Variants in MAGEF1 observed in about 807,000 individuals in gnomAD.
MAGEF1 encodes the protein MAGE family member F1.
For synonymous variants in MAGEF1, 150 were observed against 163.6 expected (o/e 0.92, Z 0.63); for missense variants, 418 against 399.5 (o/e 1.05, Z -0.39).
chr3:184,710,771 CA>C lies in MAGEF1; in HGVS notation c.*126del, dbSNP rs763373433. ...ATTAAATGTTACAAAACATAAGATA[CA>C]AAATCTAAATCCTTAAAGTCACACG... On this transcript the variant is annotated 3_prime_UTR_variant, in exon 1 of 1. Transcript: ENST00000317897. 132 of 1,333,696 alleles carry C rather than the reference CA, an allele frequency of 9.9e-5. No individual in the cohort carries two copies. The highest frequency in any genetic ancestry group is 1.3e-4 in the Non-Finnish European group (131 of 1,022,852). The allele number at this position is 1,333,696 out of a possible 1,614,324, so 82.6% of individuals were successfully genotyped here.
At position 184,711,239 on chromosome 3, in the gene MAGEF1, G is replaced by A. The variant is rs80099294; in HGVS notation, c.583C>T (p.Arg195Trp). ...REAQVWEMLR[R>W]LGVQPSKYHF... is the part of the protein sequence containing the mutation. ...TACTTTGAGGGTTGCACCCCCAACC[G>A]ACGCAGCATCTCCCAGACCTGGGCC... The change falls in exon 1 of 1, where the codon CGG becomes TGG. Residue 195 changes from arginine (R) to tryptophan (W), a missense_variant. Coordinates refer to ENST00000317897, the MANE Select transcript of MAGEF1 (RefSeq NM_022149.5). The A allele has an allele frequency of 2.5e-6, 4 of 1,614,122 alleles. No homozygotes were observed. Among genetic ancestry groups the A allele is most frequent in the Non-Finnish European group, 3.4e-6 (4 of 1,180,034 alleles).
At position 184,711,017 on chromosome 3, in the gene MAGEF1, A is replaced by G. The variant is rs1488155192; in HGVS notation, c.805T>C (p.Trp269Arg). ...AGGGCCTCACGGTACTGCACTGGCC[A>G]GTGCTGCGGTTCCTTCTTATGCAGT... ...AKLHKKEPQH[W>R]PVQYREALAD... is the part of the protein sequence containing the mutation. The change falls in exon 1 of 1, where the codon TGG becomes CGG. Residue 269 changes from tryptophan to arginine, a missense_variant. Physicochemically the swap from Trp to Arg is moderately radical, Grantham distance 101 (BLOSUM62 -3). Transcript: ENST00000317897. 6.2e-7 allele frequency: 1 copy of G among 1,614,210 alleles called. No homozygotes were observed. Among genetic ancestry groups the G allele is most frequent in the Non-Finnish European group, 8.5e-7 (1 of 1,180,044 alleles).
Position 184,711,974 on chromosome 3 carries a change from C to A in MAGEF1, c.-153G>T. 8.0e-7 allele frequency: 1 copy of A among 1,252,494 alleles called. No individual in the cohort carries two copies. The allele number at this position is 1,252,494 out of a possible 1,614,324, so 77.6% of individuals were successfully genotyped here. A position where few individuals can be genotyped will look rare whatever the true frequency, so the allele number is the denominator to read the frequency against. ...GCTTTGTGGCTGCTGGGCCGCACCGCACGGGAGTCAAACCTGCGGCCGCAA... is the reference window on the plus strand; with the variant it reads ...GCTTTGTGGCTGCTGGGCCGCACCGAACGGGAGTCAAACCTGCGGCCGCAA... On this transcript the variant is annotated 5_prime_UTR_variant, in exon 1 of 1. Coordinates refer to ENST00000317897, the MANE Select transcript of MAGEF1 (RefSeq NM_022149.5).
Position 184,711,918 on chromosome 3 carries a change from G to T in MAGEF1, c.-97C>A. On this transcript the variant is annotated 5_prime_UTR_variant, in exon 1 of 1. Coordinates refer to ENST00000317897, the MANE Select transcript of MAGEF1 (RefSeq NM_022149.5). ...GGAGGGGTTGGACAGCGGCAGTGAC[G>T]GCGGGAGTACAAGGAGCAATGGCAG... 4.2e-6 allele frequency: 6 copies of T among 1,412,742 alleles called. No homozygotes were observed. The highest frequency in any genetic ancestry group is 4.6e-6 in the Non-Finnish European group (5 of 1,083,388). 87.5% of individuals were successfully genotyped at this position (1,412,742 alleles called of 1,614,324 possible). A position where few individuals can be genotyped will look rare whatever the true frequency, so the allele number is the denominator to read the frequency against.
chr3:184,711,007 T>C lies in MAGEF1; in HGVS notation c.815A>G (p.Gln272Arg), dbSNP rs1228066335. ...CTCGTCTGCTAGGGCCTCACGGTACTGCACTGGCCAGTGCTGCGGTTCCTT... is the reference window on the plus strand; with the variant it reads ...CTCGTCTGCTAGGGCCTCACGGTACCGCACTGGCCAGTGCTGCGGTTCCTT... ...HKKEPQHWPV[Q>R]YREALADEAD... Residue 272 changes from glutamine (Q) to arginine (R), a missense_variant, in exon 1 of 1, where the codon CAG (glutamine) becomes CGG (arginine). Physicochemically the swap from Gln to Arg is conservative, Grantham distance 43. Transcript: ENST00000317897. 3.1e-6 allele frequency: 5 copies of C among 1,614,228 alleles called. No homozygotes were observed. Among genetic ancestry groups the C allele is most frequent in the East Asian group, 4.5e-5 (2 of 44,884 alleles).
At position 184,710,997 on chromosome 3, in the gene MAGEF1, C is replaced by T; in HGVS notation, c.825G>A (p.Glu275=). 1.2e-6 allele frequency: 2 copies of T among 1,614,218 alleles called. No individual in the cohort carries two copies. Among genetic ancestry groups the T allele is most frequent in the Non-Finnish European group, 1.7e-6 (2 of 1,180,018 alleles). The part of the protein sequence containing the change: ...EPQHWPVQYR[E]ALADEADRAR... Reference sequence around the variant, plus strand: ...CCCTGTCGGCCTCGTCTGCTAGGGCCTCACGGTACTGCACTGGCCAGTGCT... The same window carrying T: ...CCCTGTCGGCCTCGTCTGCTAGGGCTTCACGGTACTGCACTGGCCAGTGCT... The change falls in exon 1 of 1, where the codon GAG becomes GAA. Residue 275 remains glutamate (E), a synonymous_variant. Transcript: ENST00000317897.
Position 184,711,342 on chromosome 3 carries a change from C to T in MAGEF1, c.480G>A (p.Leu160=), listed in dbSNP as rs1250522537. 6.7e-7 allele frequency: 1 copy of T among 1,484,446 alleles called. No homozygotes were observed. 92.0% of individuals were successfully genotyped at this position (1,484,446 alleles called of 1,614,324 possible). A position where few individuals can be genotyped will look rare whatever the true frequency, so the allele number is the denominator to read the frequency against. ...GACCCAATCTGGGGCCATCTCCTCC[C>T]AGATCCTCCTCCTCCTCCTCCTCCA... ...KPLEEEEEED[L]GGDGPRLGLL... Residue 160 remains leucine, a synonymous_variant, in exon 1 of 1, where the codon CTG becomes CTA. Transcript: ENST00000317897.
chr3:184,711,862 G>C lies in MAGEF1; in HGVS notation c.-41C>G. The C allele has an allele frequency of 1.4e-6, 2 of 1,451,508 alleles. No individual in the cohort carries two copies. Among genetic ancestry groups the C allele is most frequent in the Non-Finnish European group, 1.8e-6 (2 of 1,101,638 alleles). 89.9% of individuals were successfully genotyped at this position (1,451,508 alleles called of 1,614,324 possible). ...GGTGCAGAGCGCGTACACGGGCCGA[G>C]GGGTGTGGGAGCCGCCGCGCAAGCC... On this transcript the variant is annotated 5_prime_UTR_variant, in exon 1 of 1. Transcript: ENST00000317897.
chr3:184,711,758 C>G lies in MAGEF1; in HGVS notation c.64G>C (p.Gly22Arg). The G allele has an allele frequency of 6.6e-7, 1 of 1,522,788 alleles. No homozygotes were observed. 94.3% of individuals were successfully genotyped at this position (1,522,788 alleles called of 1,614,324 possible). ...VPQAEGEKDG[G>R]HDGETRAPTA... ...GGGGCCCGGGTCTCACCATCATGGC[C>G]GCCATCCTTCTCCCCCTCGGCCTGC... Residue 22 changes from glycine to arginine, a missense_variant, in exon 1 of 1, where the codon GGC becomes CGC. Transcript: ENST00000317897.
rs1381536639 is a variant in MAGEF1, at chr3:184,711,281, C to T, written c.541G>A (p.Gly181Ser). 16 of 1,613,940 alleles carry T rather than the reference C, an allele frequency of 9.9e-6. No homozygotes were observed. Among genetic ancestry groups the T allele is most frequent in the Non-Finnish European group, 1.3e-5 (15 of 1,180,032 alleles). ...MMILGLIYMR[G>S]NSAREAQVWE... ...ACCTGGGCCTCCCTGGCGCTATTACCTCTCATATAGATAAGGCCCAGGATC... is the reference window on the plus strand; with the variant it reads ...ACCTGGGCCTCCCTGGCGCTATTACTTCTCATATAGATAAGGCCCAGGATC... Residue 181 changes from glycine (G) to serine (S), a missense_variant, in exon 1 of 1, where the codon GGT (glycine) becomes AGT (serine). Physicochemically the swap from Gly to Ser is moderately conservative, Grantham distance 56 (BLOSUM62 0). Transcript: ENST00000317897.
Position 184,711,624 on chromosome 3 carries a change from G to A in MAGEF1, c.198C>T (p.Ala66=), listed in dbSNP as rs561157342. 3 of 1,611,122 alleles carry A rather than the reference G, an allele frequency of 1.9e-6. No homozygotes were observed. The Admixed American group carries it at 5.0e-5, about 27-fold the overall frequency. The part of the protein sequence containing the change: ...RKGARALAAK[A]LARRRAYRRL... ...GGCGGTAGGCCCTGCGCCTTGCCAA[G>A]GCTTTGGCCGCCAAGGCCCTCGCGC... The change falls in exon 1 of 1, where the codon GCC becomes GCT. Residue 66 remains alanine (A), a synonymous_variant. Transcript: ENST00000317897.
In MAGEF1 at chr3:184,710,748, T is replaced by A; in HGVS notation, c.*150A>T. 8.1e-7 allele frequency: 1 copy of A among 1,231,914 alleles called. No homozygotes were observed. The highest frequency in any genetic ancestry group is 1.1e-6 in the Non-Finnish European group (1 of 933,436). 76.3% of individuals were successfully genotyped at this position (1,231,914 alleles called of 1,614,324 possible). ...CAAACAGCATTTTAACAGTAATTATTAAATGTTACAAAACATAAGATACAA... is the reference window on the plus strand; with the variant it reads ...CAAACAGCATTTTAACAGTAATTATAAAATGTTACAAAACATAAGATACAA... On this transcript the variant is annotated 3_prime_UTR_variant, in exon 1 of 1. Coordinates refer to ENST00000317897, the MANE Select transcript of MAGEF1 (RefSeq NM_022149.5).
rs1712219277 is a variant in MAGEF1 at position 184,711,366 on chromosome 3, C to CTCT, written c.455_456insAGA (p.Glu158dup). The CTCT allele has an allele frequency of 6.2e-7, 1 of 1,614,070 alleles. No individual in the cohort carries two copies. The highest frequency in any genetic ancestry group is 8.5e-7 in the Non-Finnish European group (1 of 1,180,008). ...CCAGATCCTCCTCCTCCTCCTCCTC[C>CTCT]AGAGGTTTTAGTTTGTTGATCAGGA... On this transcript the variant is annotated inframe_insertion, in exon 1 of 1. Coordinates refer to ENST00000317897, the MANE Select transcript of MAGEF1 (RefSeq NM_022149.5).
Position 184,710,924 on chromosome 3 carries a change from C to T in MAGEF1, c.898G>A (p.Ala300Thr), listed in dbSNP as rs768945794. ...CACCAGAGGTGGATGCCGGCCCTAG[C>T]ACTGGCCCTGGCCCTCATACTGGCT... The part of the protein sequence containing the change: ...AEASMRARAS[A>T]RAGIHLW Residue 300 changes from alanine to threonine, a missense_variant, in exon 1 of 1, where the codon GCT (alanine) becomes ACT (threonine). Coordinates refer to ENST00000317897, the MANE Select transcript of MAGEF1 (RefSeq NM_022149.5). 3.1e-6 allele frequency: 5 copies of T among 1,598,306 alleles called. No individual in the cohort carries two copies. Among genetic ancestry groups the T allele is most frequent in the African/African-American group, 1.3e-5 (1 of 74,370 alleles).
At position 184,711,543 on chromosome 3, in the gene MAGEF1, C is replaced by T; in HGVS notation, c.279G>A (p.Lys93=). The change falls in exon 1 of 1, where the codon AAG becomes AAA. Residue 93 remains lysine, a synonymous_variant. Coordinates refer to ENST00000317897, the MANE Select transcript of MAGEF1 (RefSeq NM_022149.5). ...TCTCCGAGCGTGTGATGGGACTCTT[C>T]TTCTTGTCTTTCACCAGGAGGAACT... ...LVQFLLVKDK[K]KSPITRSEMV... is the part of the protein sequence containing the mutation. 1 of 1,614,248 alleles carries T rather than the reference C, an allele frequency of 6.2e-7. No individual in the cohort carries two copies. The highest frequency in any genetic ancestry group is 8.5e-7 in the Non-Finnish European group (1 of 1,180,044).
In MAGEF1 at chr3:184,711,795, C is replaced by T; in HGVS notation, c.27G>A (p.Gly9=). 1 of 1,518,624 alleles carries T rather than the reference C, an allele frequency of 6.6e-7. No homozygotes were observed. The allele number at this position is 1,518,624 out of a possible 1,614,324, so 94.1% of individuals were successfully genotyped here. The change falls in exon 1 of 1, where the codon GGG becomes GGA. Residue 9 remains glycine (G), a synonymous_variant. Coordinates refer to ENST00000317897, the MANE Select transcript of MAGEF1 (RefSeq NM_022149.5). The part of the protein sequence containing the change: MLQTPESR[G]LPVPQAEGEK... Reference sequence around the variant, plus strand: ...CCCCCTCGGCCTGCGGGACCGGGAGCCCCCTGCTCTCTGGTGTCTGCAACA... The same window carrying T: ...CCCCCTCGGCCTGCGGGACCGGGAGTCCCCTGCTCTCTGGTGTCTGCAACA...
rs375930912 is a variant in MAGEF1 at position 184,710,991 on chromosome 3, T to C, written c.831A>G (p.Leu277=). The C allele has an allele frequency of 6.2e-7, 1 of 1,614,106 alleles. No individual in the cohort carries two copies. Among genetic ancestry groups the C allele is most frequent in the Non-Finnish European group, 8.5e-7 (1 of 1,180,024 alleles). ...QHWPVQYREA[L]ADEADRARAK... ...CTCTGGCCCTGTCGGCCTCGTCTGC[T>C]AGGGCCTCACGGTACTGCACTGGCC... Residue 277 remains leucine, a synonymous_variant, in exon 1 of 1, where the codon CTA becomes CTG. Coordinates refer to ENST00000317897, the MANE Select transcript of MAGEF1 (RefSeq NM_022149.5).
At position 184,711,602 on chromosome 3, in the gene MAGEF1, G is replaced by A. The variant is rs1184738422; in HGVS notation, c.220C>T (p.Arg74Cys). ...TCCGCCACCGTCCGATTCAGCCGGCGGTAGGCCCTGCGCCTTGCCAAGGCT... is the reference window on the plus strand; with the variant it reads ...TCCGCCACCGTCCGATTCAGCCGGCAGTAGGCCCTGCGCCTTGCCAAGGCT... ...AKALARRRAY[R>C]RLNRTVAELV... is the part of the protein sequence containing the mutation. Residue 74 changes from arginine (R) to cysteine (C), a missense_variant, in exon 1 of 1, where the codon CGC becomes TGC. Coordinates refer to ENST00000317897, the MANE Select transcript of MAGEF1 (RefSeq NM_022149.5). 4 of 1,613,238 alleles carry A rather than the reference G, an allele frequency of 2.5e-6. 1 individual carries two copies. Among genetic ancestry groups the A allele is most frequent in the Admixed American group, 1.7e-5 (1 of 60,034 alleles).
Position 184,711,934 on chromosome 3 carries a change from G to A in MAGEF1, c.-113C>T, listed in dbSNP as rs576400939. On this transcript the variant is annotated 5_prime_UTR_variant, in exon 1 of 1. Coordinates refer to ENST00000317897, the MANE Select transcript of MAGEF1 (RefSeq NM_022149.5). ...GGCAGTGACGGCGGGAGTACAAGGA[G>A]CAATGGCAGCGGGAGCTTTGTGGCT... 41 of 1,371,850 alleles carry A rather than the reference G, an allele frequency of 3.0e-5. No individual in the cohort carries two copies. The highest frequency in any genetic ancestry group is 3.8e-5 in the Non-Finnish European group (40 of 1,061,038). The allele number at this position is 1,371,850 out of a possible 1,614,324, so 85.0% of individuals were successfully genotyped here.
Sources: allele counts gnomAD v4.1 joint callset, GRCh38; gene constraint gnomAD v4.1.1; transcripts MANE v1.5; gene names NCBI Gene and HGNC (gene_info 2026-07-23, HGNC 2026-07-21).